TMEM132C: variants seen among roughly 807,000 people sequenced by gnomAD.
The protein encoded by TMEM132C is protein phosphatase 1, regulatory subunit 152.
A neutral mutation model predicts 61.4 loss-of-function variants in TMEM132C; 29 were observed. The ratio of observed to expected loss-of-function variants is 0.47; its 90% confidence interval spans 0.35 to 0.64. The LOEUF (loss-of-function observed/expected upper bound fraction) is 0.64, where lower values mean the gene tolerates loss of function less well. Ranked by LOEUF, TMEM132C falls within the 30% of genes least tolerant of loss-of-function variation. The pLI, the probability that TMEM132C is intolerant of heterozygous loss-of-function variation, is 0.00. For synonymous variants in TMEM132C, 656 were observed against 633.1 expected (o/e 1.04, Z -0.54); for missense variants, 1,408 against 1,476.9 (o/e 0.95, Z 0.76).
chr12:128,495,813 G>T (rs1871931339), intron 2 of TMEM132C, among the ~76,000 whole-genome samples: 1 of 152,020 alleles, frequency 6.6e-6, no homozygotes. Context: ...CTTTTAATTG[G>T]AGCATTTAGC....
chr12:128,416,407 A>G (rs946891468), intron 2 of TMEM132C, among the ~76,000 whole-genome samples: 1 of 152,226 alleles, frequency 6.6e-6, no homozygotes, highest in Non-Finnish European at 1.5e-5. Context: ...CTAGAATGTC[A>G]TAATAATGAA....
At chr12:128,354,764 C>T (rs930451624) in intron 1 of TMEM132C, among the ~76,000 whole-genome samples, 4 of 152,174 alleles carry the variant, frequency 2.6e-5, no homozygotes, top group African/African-American at 4.8e-5. Flanking sequence ...ACACTGAGAC[C>T]GGAGCTATAG....
intron 1 of TMEM132C, among the ~76,000 whole-genome samples, chr12:128,276,471 C>T (rs1468635357): frequency 6.6e-6 from 1 of 152,194 alleles, no homozygotes; most frequent in Non-Finnish European, 1.5e-5. Context: ...CCCTTGACCA[C>T]TTCATGCTTA....
chr12:128,562,335 TCTTA>T (rs1409348414), intron 3 of TMEM132C, among the ~76,000 whole-genome samples: 1 of 152,232 alleles, frequency 6.6e-6, no homozygotes, highest in South Asian at 2.1e-4. Flanking sequence ...CCTTCAGACC[TCTTA>T]CTTCTTTTCT....
At chr12:128,356,430 G>A (rs1239121567) in intron 1 of TMEM132C, among the ~76,000 whole-genome samples, 3 of 152,150 alleles carry the variant, frequency 2.0e-5, no homozygotes, top group African/African-American at 4.8e-5. Context: ...TCGACTCCAT[G>A]TATACCCACC....
intron 3 of TMEM132C, among the ~76,000 whole-genome samples, chr12:128,553,134 C>T (rs1874227107): frequency 6.6e-6 from 1 of 152,018 alleles, no homozygotes; most frequent in African/African-American, 2.4e-5. Context: ...CTAACACTAG[C>T]GATAGCTGAT....
Position 128,374,546 on chromosome 12 carries a change from C to T in TMEM132C, c.86-40186C>T, listed in dbSNP as rs528471529. 3.9e-5 allele frequency among the ~76,000 whole-genome samples: 6 copies of T among 152,180 alleles called. No individual in the cohort carries two copies. The East Asian group carries it at 5.8e-4, about 15-fold the overall frequency. On this transcript the variant is annotated intron_variant, in intron 1 of 8. Transcript: ENST00000435159. ...AGTGGGTGGGTTTGGCTATTTGGCG[C>T]CTGACAGCTACTGGCTCTTCCACTT...
intron 2 of TMEM132C, among the ~76,000 whole-genome samples, chr12:128,495,883 A>T (rs1259638116): frequency 2.0e-5 from 3 of 152,018 alleles, no homozygotes; most frequent in Non-Finnish European, 4.4e-5. Context: ...TTATGATGTT[A>T]GCTGGTTATT....
At chr12:128,332,570 T>C (rs899766217) in intron 1 of TMEM132C, among the ~76,000 whole-genome samples, 3 of 152,252 alleles carry the variant, frequency 2.0e-5, no homozygotes, top group East Asian at 1.9e-4. Flanking sequence ...TCTGATTTTC[T>C]TGAAGGATCA....
At chr12:128,543,209 C>A (rs1873822426) in intron 2 of TMEM132C, among the ~76,000 whole-genome samples, 2 of 152,172 alleles carry the variant, frequency 1.3e-5, no homozygotes, top group Non-Finnish European at 2.9e-5. Flanking sequence ...GGGGACTTCC[C>A]TGGAGTGATG....
chr12:128,271,822 A>G (rs1870531993), intron 1 of TMEM132C, among the ~76,000 whole-genome samples: 1 of 152,258 alleles, frequency 6.6e-6, no homozygotes, highest in Non-Finnish European at 1.5e-5. Context: ...TTATATTAGT[A>G]GTTAACACCT....
At chr12:128,390,711 C>A (rs1241404732) in intron 1 of TMEM132C, among the ~76,000 whole-genome samples, 4 of 152,114 alleles carry the variant, frequency 2.6e-5, no homozygotes, top group Non-Finnish European at 5.9e-5. Flanking sequence ...GGGACAGAAT[C>A]TGATTTCTGA....
intron 1 of TMEM132C, among the ~76,000 whole-genome samples, chr12:128,397,044 T>C (rs980128991): frequency 6.6e-6 from 1 of 152,130 alleles, no homozygotes; most frequent in Admixed American, 6.5e-5. Flanking sequence ...CTCAGAGGCT[T>C]CAGTGCCTTC....
At chr12:128,623,841 A>G (rs1953990266) in intron 4 of TMEM132C, among the ~76,000 whole-genome samples, 2 of 152,154 alleles carry the variant, frequency 1.3e-5, no homozygotes, top group Non-Finnish European at 2.9e-5. Flanking sequence ...TTCATGAGAG[A>G]TGATTGAAAA....
At chr12:128,623,075 C>G (rs571349446) in intron 4 of TMEM132C, among the ~76,000 whole-genome samples, 35 of 152,314 alleles carry the variant, frequency 2.3e-4, no homozygotes, top group Admixed American at 4.6e-4. Context: ...AAGTAAATCT[C>G]TGATGCACAT....
chr12:128,696,365 C>T (rs1003856447), intron 7 of TMEM132C, among the ~76,000 whole-genome samples: 4 of 152,166 alleles, frequency 2.6e-5, no homozygotes, highest in African/African-American at 9.7e-5. Flanking sequence ...CCAGCACCCC[C>T]ATCCTACCTC....
rs1873394125 is a variant in TMEM132C, at chr12:128,353,159, C to A, written c.86-61573C>A. On this transcript the variant is annotated intron_variant, in intron 1 of 8. Transcript: ENST00000435159. ...AAGAAAACAGAAGTGGGGTTGAGAC[C>A]AGGAGGAAATAATTCAAACACTGCT... 7.9e-5 allele frequency among the ~76,000 whole-genome samples: 12 copies of A among 152,060 alleles called. No homozygotes were observed. The South Asian group carries it at 2.5e-3, about 32-fold the overall frequency.
chr12:128,581,423 C>G (rs1292664943), intron 3 of TMEM132C, among the ~76,000 whole-genome samples: 3 of 152,146 alleles, frequency 2.0e-5, no homozygotes, highest in Non-Finnish European at 4.4e-5. Context: ...GGGAAACACC[C>G]TTTATTGCAT....
intron 2 of TMEM132C, among the ~76,000 whole-genome samples, chr12:128,466,992 G>A (rs1870757386): frequency 6.6e-6 from 1 of 152,156 alleles, no homozygotes; most frequent in Non-Finnish European, 1.5e-5. Flanking sequence ...ACTTGTGGAA[G>A]GAGTAGGATT....
Sources: allele counts gnomAD v4.1 joint callset (sites outside exome capture counted in the v4.1 genomes callset), GRCh38; gene constraint gnomAD v4.1.1; transcripts MANE v1.5; gene names NCBI Gene and HGNC (gene_info 2026-07-23, HGNC 2026-07-21).